Variants in SLC14A2 observed in about 807,000 individuals in gnomAD.
SLC14A2 encodes the protein urea transporter 2.
A neutral mutation model predicts 104.6 loss-of-function variants in SLC14A2; 91 were observed. The ratio of observed to expected loss-of-function variants is 0.87; its 90% CI spans 0.73 to 1.04. The LOEUF is 1.04. SLC14A2 is among the 50% of genes least tolerant of loss of function. The pLI is 0.00. For synonymous variants in SLC14A2, 476 were observed against 466.4 expected, an observed-to-expected ratio of 1.02 and a Z score of -0.27; for missense variants, 1,189 against 1,156.0, an observed-to-expected ratio of 1.03 and a Z score of -0.41.
chr18:45,634,687 T>G, intron 5 of SLC14A2: 2 of 376,030 alleles, frequency 5.3e-6, no homozygotes, highest in African/African-American at 2.1e-5. Context: ...TCGATGAGAG[T>G]CAGACCAGGT....
At chr18:45,424,429 G>A (rs2086394470) in intron 1 of SLC14A2, among the ~76,000 whole-genome samples, 1 of 152,246 alleles carries the variant, frequency 6.6e-6, no homozygotes, top group Non-Finnish European at 1.5e-5. Flanking sequence ...GGGATGCTAA[G>A]GCAAAGCTAA....
intron 1 of SLC14A2, among the ~76,000 whole-genome samples, chr18:45,380,118 C>T (rs1199666923): frequency 2.6e-5 from 4 of 152,226 alleles, no homozygotes; most frequent in Non-Finnish European, 5.9e-5. Flanking sequence ...CACCACAACA[C>T]TTTCTGGGCC....
Position 45,477,397 on chromosome 18 carries a change from C to T in SLC14A2, c.-124-5836C>T, listed in dbSNP as rs113608517. 2.3e-3 allele frequency among the ~76,000 whole-genome samples: 345 copies of T among 152,304 alleles called. 2 individuals carry two copies. The highest frequency in any genetic ancestry group is 6.8e-3 in the Middle Eastern group (2 of 294). Reference sequence around the variant, plus strand: ...TACCCACAAGATGCCAGCCGGAGCTCTCCTGTATGAGGTGTCTGTCGACCC... The same window carrying T: ...TACCCACAAGATGCCAGCCGGAGCTTTCCTGTATGAGGTGTCTGTCGACCC... On this transcript the variant is annotated intron_variant, in intron 1 of 20. Coordinates refer to the SLC14A2 transcript ENST00000586448.
chr18:45,653,159 G>A (rs1469410173), intron 10 of SLC14A2, among the ~76,000 whole-genome samples: 1 of 151,968 alleles, frequency 6.6e-6, no homozygotes, highest in Non-Finnish European at 1.5e-5. Context: ...AGATAGCCAT[G>A]GATCCTGAAC....
At chr18:45,383,194 C>T (rs950431157) in intron 1 of SLC14A2, among the ~76,000 whole-genome samples, 2 of 152,176 alleles carry the variant, frequency 1.3e-5, no homozygotes, top group African/African-American at 4.8e-5. Context: ...AGGACCAAGA[C>T]CTAGGTCTCC....
At chr18:45,552,742 G>A (rs905674631) in intron 2 of SLC14A2, among the ~76,000 whole-genome samples, 1 of 152,194 alleles carries the variant, frequency 6.6e-6, no homozygotes, top group African/African-American at 2.4e-5. Context: ...TGTGTGATGG[G>A]CAGAGGGTAG....
chr18:45,644,223 C>T, intron 10 of SLC14A2, 63 bp downstream of exon 10: 1 of 1,542,364 alleles, frequency 6.5e-7, no homozygotes, highest in Non-Finnish European at 8.9e-7. Context: ...TCCCTGTGTT[C>T]TCTGCTCTGG....
At chr18:45,597,458 C>G (rs1371861966) in intron 2 of SLC14A2, among the ~76,000 whole-genome samples, 1 of 152,180 alleles carries the variant, frequency 6.6e-6, no homozygotes, top group Non-Finnish European at 1.5e-5. Flanking sequence ...AGGCCTCATC[C>G]CAGTGACTAC....
chr18:45,410,692 G>A (rs1053421403), intron 1 of SLC14A2, among the ~76,000 whole-genome samples: 8 of 152,010 alleles, frequency 5.3e-5, no homozygotes, highest in African/African-American at 1.9e-4. Context: ...AAATGTATTT[G>A]TGACCCCCAA....
chr18:45,178,703 A>G, the SLC14A2 span, among the ~76,000 whole-genome samples: 19 of 152,314 alleles, frequency 1.2e-4, no homozygotes, highest in African/African-American at 3.8e-4. Flanking sequence ...TTACTGCTGC[A>G]TGGAATAGTA....
chr18:45,435,743 G>A (rs944931066), intron 1 of SLC14A2, among the ~76,000 whole-genome samples: 3 of 152,136 alleles, frequency 2.0e-5, no homozygotes, highest in Admixed American at 2.0e-4. Flanking sequence ...ACCTGTTCTG[G>A]TCAAGAGCCT....
chr18:45,336,743 G>C (rs180952747), intron 1 of SLC14A2, among the ~76,000 whole-genome samples: 8 of 152,096 alleles, frequency 5.3e-5, no homozygotes, highest in African/African-American at 1.9e-4. Flanking sequence ...GCCTATGATG[G>C]CTCCTAGTTT....
At chr18:45,612,369 T>C (rs937751755), upstream of SLC14A2, among the ~76,000 whole-genome samples, 1 of 152,214 alleles carries the variant, frequency 6.6e-6, no homozygotes, top group Non-Finnish European at 1.5e-5. Context: ...CAGAATAGCA[T>C]TTAAACTCCT....
At chr18:45,176,123 AG>A in the SLC14A2 span, among the ~76,000 whole-genome samples, 85 of 152,280 alleles carry the variant, frequency 5.6e-4, 1 homozygote, top group African/African-American at 1.9e-3. Context: ...GCCAACCCCT[AG>A]GAAGAGAATG....
chr18:45,499,830 G>A (rs2043163205), intron 2 of SLC14A2, among the ~76,000 whole-genome samples: 1 of 152,168 alleles, frequency 6.6e-6, no homozygotes, highest in Admixed American at 6.5e-5. Flanking sequence ...GCTAGTCTGA[G>A]TATCAAATGA....
intron 10 of SLC14A2, among the ~76,000 whole-genome samples, chr18:45,652,579 G>A (rs531421249): frequency 5.8e-4 from 89 of 152,290 alleles, no homozygotes; most frequent in African/African-American, 2.0e-3. Context: ...AGCTCCTGGT[G>A]GTCAATGCAG....
chr18:45,317,271 TGCACACAC>T (rs1945133725), intron 1 of SLC14A2, among the ~76,000 whole-genome samples: 1 of 152,152 alleles, frequency 6.6e-6, no homozygotes, highest in Admixed American at 6.5e-5. Flanking sequence ...AGACATGGGG[TGCACACAC>T]GCACATTATA....
intron 1 of SLC14A2, among the ~76,000 whole-genome samples, chr18:45,251,196 A>T (rs1451455569): frequency 6.6e-6 from 1 of 152,110 alleles, no homozygotes; most frequent in African/African-American, 2.4e-5. Flanking sequence ...TTTCCCTCTG[A>T]GTCCCCAAAG....
chr18:45,194,495 C>T, the SLC14A2 span, among the ~76,000 whole-genome samples: 3 of 152,064 alleles, frequency 2.0e-5, no homozygotes, highest in South Asian at 6.2e-4. Context: ...AGGTAAATTA[C>T]ATTTATTTTC....
Sources: allele counts gnomAD v4.1 joint callset (sites outside exome capture counted in the v4.1 genomes callset), GRCh38; gene constraint gnomAD v4.1.1; transcripts MANE v1.5; gene names NCBI Gene and HGNC (gene_info 2026-07-23, HGNC 2026-07-21).